The following ADRA1A variants were observed in gnomAD, a reference collection of about 807,000 sequenced individuals.
ADRA1A encodes the protein adrenoceptor alpha 1A.
Under a neutral mutation model 29.6 loss-of-function variants are expected in ADRA1A, and 31 were observed. That is an observed-to-expected ratio of 1.05 (90% CI 0.79 to 1.41). ADRA1A has a LOEUF of 1.41. Ranked by LOEUF, ADRA1A falls within the 40% of genes most tolerant of loss-of-function variation. ADRA1A has a pLI of 0.00. For missense variants in ADRA1A, 619 were observed against 601.1 expected (o/e 1.03, Z -0.31); for synonymous variants, 311 against 254.3 (o/e 1.22, Z -2.12).
At chr8:26,751,332 A>G (rs188112736) in intron 2 of ADRA1A, among the ~76,000 whole-genome samples, 1 of 152,360 alleles carries the variant, frequency 6.6e-6, no homozygotes, top group African/African-American at 2.4e-5. Context: ...CCTACACAAC[A>G]GAATAAAAGA....
At chr8:26,778,291 A>G (rs1291368099) in intron 2 of ADRA1A, among the ~76,000 whole-genome samples, 2 of 152,192 alleles carry the variant, frequency 1.3e-5, no homozygotes, top group African/African-American at 2.4e-5. Context: ...CCTTGTGTCC[A>G]ATAAATAATT....
chr8:26,800,266 A>AG (rs1397343790), intron 2 of ADRA1A, among the ~76,000 whole-genome samples: 11 of 152,318 alleles, frequency 7.2e-5, no homozygotes, highest in Middle Eastern at 3.4e-3. Context: ...CTCAAAAAAA[A>AG]AGAGAAAAAA....
In ADRA1A at chr8:26,749,159, C is replaced by T. The variant is rs183723835; in HGVS notation, c.1270-411G>A. On this transcript the variant is annotated intron_variant, in intron 2 of 2. Coordinates refer to the ADRA1A transcript ENST00000380586. The stretch of plus-strand genomic sequence containing the variant: ...AATACTAGAAGCTCTAAAATAAGCT[C>T]TCAAAGTTGTTTTGTAGGACTCATA... 7.0e-4 allele frequency among the ~76,000 whole-genome samples: 106 copies of T among 152,304 alleles called. 1 individual carries two copies. Among genetic ancestry groups the T allele is most frequent in the African/African-American group, 2.5e-3 (103 of 41,576 alleles).
At position 26,864,853 on chromosome 8, in the gene ADRA1A, G is replaced by A. The variant is rs1813783639; in HGVS notation, c.117C>T (p.Phe39=). ...LGVILGGLIL[F]GVLGNILVIL... is the part of the protein sequence containing the mutation. ...TCACTAGGATGTTACCCAGCACCCC[G>A]AAAAGAATGAGGCCCCCCAAGATCA... The change falls in exon 2 of 3, where the codon TTC becomes TTT. Residue 39 remains phenylalanine (F), a synonymous_variant. Coordinates refer to ENST00000380573, the MANE Select transcript of ADRA1A (RefSeq NM_000680.4). The surrounding 1 kb of genome is among the most constrained non-coding windows in gnomAD (Gnocchi z 8.1). 2 of 1,614,096 alleles carry A rather than the reference G, an allele frequency of 1.2e-6. No individual in the cohort carries two copies. The highest frequency in any genetic ancestry group is 1.3e-5 in the African/African-American group (1 of 75,030).
downstream of ADRA1A, among the ~76,000 whole-genome samples, chr8:26,761,442 T>C (rs968285493): frequency 6.6e-6 from 1 of 152,214 alleles, no homozygotes; most frequent in African/African-American, 2.4e-5. Context: ...CGATAGTGCC[T>C]TTTAAGGCAT....
chr8:26,793,700 A>G lies in ADRA1A; in HGVS notation c.884-23034T>C, dbSNP rs77977676. 1.6e-3 allele frequency among the ~76,000 whole-genome samples: 250 copies of G among 152,084 alleles called. 5 individuals carry two copies. In the East Asian group the frequency reaches 0.044, roughly 27 times the overall value. On this transcript the variant is annotated intron_variant, in intron 2 of 2. Transcript: ENST00000380573. Reference sequence around the variant, plus strand: ...TCAAGTAAAAAACCGTATGCAGATAACATGAAGAATTTTGATAAATTTGAA... The same window carrying G: ...TCAAGTAAAAAACCGTATGCAGATAGCATGAAGAATTTTGATAAATTTGAA...
chr8:26,748,815 C>A, intron 2 of ADRA1A: 2 of 389,024 alleles, frequency 5.1e-6, no homozygotes, highest in Non-Finnish European at 9.9e-6. Context: ...ATTTATTCAG[C>A]ATGGCTTTTT....
intron 2 of ADRA1A, among the ~76,000 whole-genome samples, chr8:26,844,671 T>C (rs1476184938): frequency 6.6e-6 from 1 of 152,180 alleles, no homozygotes; most frequent in Non-Finnish European, 1.5e-5. Context: ...GACAATTGGA[T>C]TTCTACAAGC....
intron 2 of ADRA1A, among the ~76,000 whole-genome samples, chr8:26,818,010 G>A (rs2130577630): frequency 6.6e-6 from 1 of 152,306 alleles, no homozygotes; most frequent in Middle Eastern, 3.4e-3. Flanking sequence ...CTCAGCAACA[G>A]GAAGGAACAT....
intron 2 of ADRA1A, chr8:26,757,122 C>G: frequency 1.4e-6 from 1 of 702,586 alleles, no homozygotes; most frequent in Non-Finnish European, 2.6e-6. Context: ...ATCCAGAAGA[C>G]TGAAATAGCC....
intron 2 of ADRA1A, among the ~76,000 whole-genome samples, chr8:26,851,688 C>A (rs1812644077): frequency 6.6e-6 from 1 of 152,058 alleles, no homozygotes; most frequent in Non-Finnish European, 1.5e-5. Flanking sequence ...AACAAAAAGT[C>A]TATCTTTAAA....
chr8:26,817,964 G>T (rs1205722748), intron 2 of ADRA1A, among the ~76,000 whole-genome samples: 1 of 152,230 alleles, frequency 6.6e-6, no homozygotes, highest in Non-Finnish European at 1.5e-5. Context: ...GGGGATTGAT[G>T]AATACACTGT....
In ADRA1A at chr8:26,825,451, C is replaced by G. The variant is rs1234627976; in HGVS notation, c.883+38636G>C. ...TTTCTAATTCCGCCCTACTTCGTTT[C>G]CTATAAGGGGACCAGGAACACTTTT... is the stretch of plus-strand genomic sequence containing the variant. On this transcript the variant is annotated intron_variant, in intron 2 of 2. Transcript: ENST00000380573. The surrounding 1 kb of genome is among the most constrained non-coding windows in gnomAD (Gnocchi z 5.7). 6.6e-6 allele frequency among the ~76,000 whole-genome samples: 1 copy of G among 152,168 alleles called. No individual in the cohort carries two copies. The highest frequency in any genetic ancestry group is 2.4e-5 in the African/African-American group (1 of 41,432).
intron 2 of ADRA1A, among the ~76,000 whole-genome samples, chr8:26,812,119 T>C (rs1378063657): frequency 3.9e-5 from 6 of 152,152 alleles, no homozygotes; most frequent in African/African-American, 1.2e-4. Context: ...GACAATGAGA[T>C]CTAATGAAAT....
downstream of ADRA1A, among the ~76,000 whole-genome samples, chr8:26,768,026 T>C (rs1805882850): frequency 6.6e-6 from 1 of 152,078 alleles, no homozygotes; most frequent in Non-Finnish European, 1.5e-5. Context: ...AGTGCCAGAA[T>C]CCAAGTTCTG....
Position 26,748,510 on chromosome 8 carries a change from G to A in ADRA1A, c.*80C>T, listed in dbSNP as rs1281816018. 4 of 280,688 alleles carry A rather than the reference G, an allele frequency of 1.4e-5. 1 individual carries two copies. The highest frequency in any genetic ancestry group is 1.2e-4 in the South Asian group (4 of 32,586). The allele number at this position is 280,688 out of a possible 1,614,324, so 17.4% of individuals were successfully genotyped here. A position where few individuals can be genotyped will look rare whatever the true frequency, so the allele number is the denominator to read the frequency against. On this transcript the variant is annotated 3_prime_UTR_variant, in exon 3 of 3. Coordinates refer to the ADRA1A transcript ENST00000380586. Reference sequence around the variant, plus strand: ...AATCCCAGCACTTTGGGAGGCTGAGGCAGGCAGATCATGAGGTCAAGAGAT... The same window carrying A: ...AATCCCAGCACTTTGGGAGGCTGAGACAGGCAGATCATGAGGTCAAGAGAT...
chr8:26,812,909 G>T (rs531935949), intron 2 of ADRA1A, among the ~76,000 whole-genome samples: 9 of 151,808 alleles, frequency 5.9e-5, no homozygotes, highest in Admixed American at 5.2e-4. Flanking sequence ...CTTGTGATCC[G>T]CCCACCTTGG....
At position 26,770,510 on chromosome 8, in the gene ADRA1A, CAG is replaced by C. The variant is rs768113104; in HGVS notation, c.1038_1039del (p.Cys347GlnfsTer49). 1.5e-4 allele frequency: 240 copies of C among 1,614,032 alleles called. No homozygotes were observed. Among genetic ancestry groups the C allele is most frequent in the Non-Finnish European group, 1.9e-4 (228 of 1,180,044 alleles). On this transcript the variant is annotated frameshift_variant, in exon 3 of 3. Transcript: ENST00000380573. LOFTEE classifies it high-confidence loss of function. ...GGCATGTTTGGAAGACTGCTTTCTG[CAG>C]AGACACTGGATTCTCAAGACATTCT... is the stretch of plus-strand genomic sequence containing the variant.
chr8:26,852,629 T>G (rs1455216203), intron 2 of ADRA1A, among the ~76,000 whole-genome samples: 1 of 151,996 alleles, frequency 6.6e-6, no homozygotes, highest in Admixed American at 6.6e-5. Context: ...AATCTGACGA[T>G]CAGAACAGAC....
Sources: allele counts gnomAD v4.1 joint callset (sites outside exome capture counted in the v4.1 genomes callset), GRCh38; gene constraint gnomAD v4.1.1; non-coding constraint Gnocchi (gnomAD v3.1); transcripts MANE v1.5; gene names NCBI Gene and HGNC (gene_info 2026-07-23, HGNC 2026-07-21).